The following TMC1 variants were observed in gnomAD, a reference collection of about 807,000 sequenced individuals.
TMC1 encodes transmembrane channel like 1.
TMC1 carries 84 observed loss-of-function variants against 105.8 expected under a neutral mutation model. The observed-to-expected ratio is 0.79, with a 90% CI of 0.67 to 0.95. TMC1 has a LOEUF of 0.95. Among genes scored for constraint, TMC1 ranks in the 40% least tolerant of loss-of-function variants. The pLI, the probability that TMC1 is intolerant of heterozygous loss-of-function variation, is 0.00. For missense variants in TMC1, 817 were observed against 914.1 expected (o/e 0.89, Z 1.37); for synonymous variants, 315 against 311.5 (o/e 1.01, Z -0.12).
chr9:72,696,793 A>G (rs1357730114), intron 7 of TMC1, among the ~76,000 whole-genome samples: 1 of 152,172 alleles, frequency 6.6e-6, no homozygotes, highest in Non-Finnish European at 1.5e-5. Flanking sequence ...GCAGTGAGAA[A>G]TTCAGCATAT....
At chr9:72,830,338 G>C in intron 21 of TMC1, 113 bp from the exon 22 acceptor site, 1 of 784,920 alleles carries the variant, frequency 1.3e-6, no homozygotes, top group Admixed American at 2.1e-5. Context: ...GTAGAAGATA[G>C]CTTAATGTTC....
At chr9:72,692,206 C>T (rs1049491645) in intron 6 of TMC1, among the ~76,000 whole-genome samples, 12 of 152,154 alleles carry the variant, frequency 7.9e-5, no homozygotes, top group African/African-American at 2.9e-4. Flanking sequence ...CAGATTCTGG[C>T]AAGACAGAAA....
At chr9:72,820,050 A>T (rs1264018212) in intron 19 of TMC1, among the ~76,000 whole-genome samples, 1 of 152,226 alleles carries the variant, frequency 6.6e-6, no homozygotes, top group Non-Finnish European at 1.5e-5. Context: ...AAAAACTCAG[A>T]TGCACAAAGC....
chr9:72,711,651 G>T (rs1826839309), intron 8 of TMC1, among the ~76,000 whole-genome samples: 1 of 152,076 alleles, frequency 6.6e-6, no homozygotes, highest in Admixed American at 6.6e-5. Context: ...TAAGTTCTTT[G>T]TAGATTCTGG....
intron 3 of TMC1, among the ~76,000 whole-genome samples, chr9:72,619,984 G>A (rs1186745188): frequency 6.6e-6 from 1 of 151,678 alleles, no homozygotes; most frequent in East Asian, 1.9e-4. Flanking sequence ...ACAGGCATGT[G>A]CCACCATGCC....
chr9:72,668,768 T>A (rs1411318131), intron 5 of TMC1, among the ~76,000 whole-genome samples: 1 of 152,184 alleles, frequency 6.6e-6, no homozygotes, highest in Non-Finnish European at 1.5e-5. Context: ...TTTACTAAAT[T>A]CTGGATGTTC....
rs541465951 is a variant in TMC1, at chr9:72,703,971, T to C, written c.362+3328T>C. Among the ~76,000 whole-genome samples, 7 of 152,368 alleles carry C rather than the reference T, an allele frequency of 4.6e-5. No individual in the cohort carries two copies. In the East Asian group the frequency reaches 9.6e-4, roughly 21 times the overall value. ...TCTCTTTGAATGCTCTATTGAGCTT[T>C]TTTTGAATGTTCTATTGAGCTTCTC... On this transcript the variant is annotated intron_variant, in intron 8 of 23. Coordinates refer to ENST00000297784, the MANE Select transcript of TMC1 (RefSeq NM_138691.3).
intron 2 of TMC1, among the ~76,000 whole-genome samples, chr9:72,603,386 T>TACACACACAC (rs10584160): frequency 7.5e-4 from 109 of 145,334 alleles, no homozygotes; most frequent in Admixed American, 1.7e-3. Flanking sequence ...CTCTCCCCAC[T>TACACACACAC]ACACACACAC....
chr9:72,625,019 T>C (rs1387470845), intron 3 of TMC1, among the ~76,000 whole-genome samples: 1 of 152,254 alleles, frequency 6.6e-6, no homozygotes, highest in Non-Finnish European at 1.5e-5. Context: ...ATAGATGTTG[T>C]GATGGTTTTA....
chr9:72,553,277 T>C (rs1287785497), intron 1 of TMC1, among the ~76,000 whole-genome samples: 1 of 152,192 alleles, frequency 6.6e-6, no homozygotes, highest in African/African-American at 2.4e-5. Context: ...CTGGCTCCAA[T>C]TCTGTATATT....
In TMC1 at chr9:72,826,960, C is replaced by A. The variant is rs745477868; in HGVS notation, c.2095C>A (p.Pro699Thr). Residue 699 changes from proline to threonine, a missense_variant, in exon 21 of 24, where the codon CCT becomes ACT. Coordinates refer to ENST00000297784, the MANE Select transcript of TMC1 (RefSeq NM_138691.3). ...MAKILRQLSNPGLVIAVILVM... is the reference protein window; with the variant it reads ...MAKILRQLSNTGLVIAVILVM... ...GAAGATCTTGAGACAGCTTTCAAACCCTGGGCTGGTCATTGCTGTCATTTT... is the reference window on the plus strand; with the variant it reads ...GAAGATCTTGAGACAGCTTTCAAACACTGGGCTGGTCATTGCTGTCATTTT... 6.2e-7 allele frequency: 1 copy of A among 1,614,012 alleles called. No individual in the cohort carries two copies. Among genetic ancestry groups the A allele is most frequent in the Non-Finnish European group, 8.5e-7 (1 of 1,179,930 alleles).
chr9:72,751,116 C>G (rs963512173), intron 10 of TMC1, among the ~76,000 whole-genome samples: 1 of 152,184 alleles, frequency 6.6e-6, no homozygotes, highest in Non-Finnish European at 1.5e-5. Flanking sequence ...ACATCTATAG[C>G]TAATGTCTAT....
intron 1 of TMC1, among the ~76,000 whole-genome samples, chr9:72,565,685 G>A (rs1248789852): frequency 1.3e-5 from 2 of 152,144 alleles, no homozygotes; most frequent in African/African-American, 2.4e-5. Context: ...CGGACTCACC[G>A]TTCCACATGG....
At chr9:72,694,516 A>G (rs750810569) in intron 6 of TMC1, 27 bp from the exon 7 acceptor site, 1 of 1,607,300 alleles carries the variant, frequency 6.2e-7, no homozygotes. Flanking sequence ...TTCTGACATT[A>G]CTCATTGAAT....
chr9:72,526,756 G>A (rs1191496397), intron 1 of TMC1, among the ~76,000 whole-genome samples: 4 of 152,192 alleles, frequency 2.6e-5, no homozygotes, highest in African/African-American at 7.2e-5. Flanking sequence ...GGGCAAGGAA[G>A]AGCACCACCC....
intron 2 of TMC1, among the ~76,000 whole-genome samples, chr9:72,579,829 C>T (rs1824446266): frequency 6.6e-6 from 1 of 152,014 alleles, no homozygotes. Context: ...CAAGACCAGC[C>T]TGGGCAACAT....
intron 1 of TMC1, among the ~76,000 whole-genome samples, chr9:72,538,829 T>C (rs557700490): frequency 2.0e-5 from 3 of 152,308 alleles, no homozygotes; most frequent in African/African-American, 7.2e-5. Context: ...GGTATCTTAT[T>C]GCTACAAAGA....
intron 2 of TMC1, among the ~76,000 whole-genome samples, chr9:72,591,900 T>C (rs10113863): frequency 0.42 from 63,882 of 151,940 alleles, 14,542 homozygotes; most frequent in African/African-American, 0.6. Context: ...CTGGGTATCA[T>C]TGATTTAGTA....
chr9:72,595,673 CTTTT>C (rs71357596), intron 2 of TMC1, among the ~76,000 whole-genome samples: 50 of 124,078 alleles, frequency 4.0e-4, no homozygotes, highest in East Asian at 9.4e-4. Flanking sequence ...CAACTCTCAA[CTTTT>C]TTTTTTTTTT....
Sources: allele counts gnomAD v4.1 joint callset (sites outside exome capture counted in the v4.1 genomes callset), GRCh38; gene constraint gnomAD v4.1.1; transcripts MANE v1.5; gene names NCBI Gene and HGNC (gene_info 2026-07-23, HGNC 2026-07-21).